ERBB4: variants seen among roughly 807,000 people sequenced by gnomAD.
The protein encoded by ERBB4 is erb-b2 receptor tyrosine kinase 4.
In ERBB4, 42 loss-of-function variants were observed where a neutral mutation model predicts 158.0. That is an observed-to-expected ratio of 0.27 (90% CI 0.21 to 0.34). The LOEUF is 0.34. ERBB4 is among the 10% of genes least tolerant of loss of function. ERBB4 has a pLI of 1.00. For synonymous variants in ERBB4, 583 were observed against 558.7 expected (o/e 1.04, Z -0.61); for missense variants, 1,333 against 1,624.1 (o/e 0.82, Z 3.08).
chr2:212,060,865 G>A (rs965271265), intron 2 of ERBB4, among the ~76,000 whole-genome samples: 1 of 150,316 alleles, frequency 6.7e-6, no homozygotes, highest in Non-Finnish European at 1.5e-5. Flanking sequence ...ATGTAAATGA[G>A]GAGTTAAAGA....
chr2:211,778,120 G>C (rs59804958), intron 4 of ERBB4, among the ~76,000 whole-genome samples: 20,093 of 152,128 alleles, frequency 0.13, 1,495 homozygotes, highest in South Asian at 0.3. Context: ...GAGAAGCCAC[G>C]GCAGGATTGA....
chr2:211,962,514 A>G (rs1345011937), intron 2 of ERBB4, among the ~76,000 whole-genome samples: 2 of 152,176 alleles, frequency 1.3e-5, no homozygotes, highest in African/African-American at 2.4e-5. Context: ...GTAGGAGTCT[A>G]TAATTTTACA....
chr2:211,669,255 A>AAAAAAC (rs953218454), intron 14 of ERBB4, among the ~76,000 whole-genome samples: 4 of 151,082 alleles, frequency 2.6e-5, no homozygotes, highest in Non-Finnish European at 5.9e-5. Flanking sequence ...AGAAAAAAGC[A>AAAAAAC]AAAAACAACT....
At chr2:211,763,809 C>A (rs1012912453) in intron 4 of ERBB4, among the ~76,000 whole-genome samples, 4 of 151,798 alleles carry the variant, frequency 2.6e-5, no homozygotes, top group Admixed American at 2.0e-4. Flanking sequence ...TGAGGTCTAA[C>A]AGCCCAAGAC....
At chr2:212,212,281 A>C (rs1456991633) in intron 1 of ERBB4, among the ~76,000 whole-genome samples, 6 of 152,032 alleles carry the variant, frequency 3.9e-5, no homozygotes, top group African/African-American at 7.2e-5. Flanking sequence ...AGACAAGCAA[A>C]GAGTCAAATC....
chr2:212,035,793 G>T (rs1394324563), intron 2 of ERBB4, among the ~76,000 whole-genome samples: 1 of 152,146 alleles, frequency 6.6e-6, no homozygotes, highest in African/African-American at 2.4e-5. Flanking sequence ...ATATTTCAAA[G>T]AATAAGTGAA....
intron 15 of ERBB4, among the ~76,000 whole-genome samples, chr2:211,658,806 G>C (rs1214448579): frequency 6.6e-6 from 1 of 152,064 alleles, no homozygotes. Flanking sequence ...AATTACATAA[G>C]TACACAGAAT....
chr2:212,296,933 T>G (rs1225513824), intron 1 of ERBB4, among the ~76,000 whole-genome samples: 1 of 151,980 alleles, frequency 6.6e-6, no homozygotes, highest in East Asian at 1.9e-4. Context: ...CTCCTTGGAC[T>G]GGTCAGCCTG....
chr2:211,977,531 T>TAAAAAAGAAAAAA (rs2081645289), intron 2 of ERBB4, among the ~76,000 whole-genome samples: 1 of 67,594 alleles, frequency 1.5e-5, no homozygotes, highest in East Asian at 5.6e-4. Context: ...ATATTGACTT[T>TAAAAAAGAAAAAA]AAAAAAAAAA....
chr2:211,663,433 G>T lies in ERBB4; in HGVS notation c.1871+1890C>A, dbSNP rs149128373. On this transcript the variant is annotated intron_variant, in intron 15 of 27. Transcript: ENST00000342788. ...AATTCTGCGGCTGCAAATTGCTAAA[G>T]GTGTCTTTTTTCTGTTCACTTGGAG... Among the ~76,000 whole-genome samples the T allele has an allele frequency of 2.5e-3, 373 of 152,162 alleles. 3 individuals carry two copies. The highest frequency in any genetic ancestry group is 8.3e-3 in the African/African-American group (346 of 41,524).
chr2:211,874,373 C>A (rs1575293440), intron 3 of ERBB4, among the ~76,000 whole-genome samples: 1 of 151,960 alleles, frequency 6.6e-6, no homozygotes, highest in African/African-American at 2.4e-5. Context: ...CTTGTCTTAC[C>A]CTATCTACTC....
At chr2:211,429,393 C>T (rs114864594) in intron 21 of ERBB4, among the ~76,000 whole-genome samples, 1,737 of 152,166 alleles carry the variant, frequency 0.011, 36 homozygotes, top group African/African-American at 0.039. Context: ...CCCCTCTCAT[C>T]TTGGTTAGCC....
At chr2:212,153,523 A>G (rs770166905) in intron 1 of ERBB4, among the ~76,000 whole-genome samples, 14 of 152,180 alleles carry the variant, frequency 9.2e-5, no homozygotes, top group Non-Finnish European at 1.9e-4. Flanking sequence ...TCTGAGACAG[A>G]GTACAATAAA....
intron 20 of ERBB4, among the ~76,000 whole-genome samples, chr2:211,524,877 A>G (rs923519448): frequency 1.3e-5 from 2 of 152,194 alleles, no homozygotes; most frequent in Non-Finnish European, 2.9e-5. Flanking sequence ...GTGGGAGCCC[A>G]GGCAGAGGAG....
chr2:212,118,719 T>A (rs559740246), intron 2 of ERBB4, among the ~76,000 whole-genome samples: 35 of 151,704 alleles, frequency 2.3e-4, no homozygotes, highest in South Asian at 1.0e-3. Flanking sequence ...CAAAGTTTTT[T>A]TAAAAAAAAA....
intron 1 of ERBB4, among the ~76,000 whole-genome samples, chr2:212,441,227 C>G (rs2092247483): frequency 6.6e-6 from 1 of 152,126 alleles, no homozygotes; most frequent in Admixed American, 6.6e-5. Context: ...CTTCCCCATC[C>G]CCAGTAGTGG....
intron 1 of ERBB4, among the ~76,000 whole-genome samples, chr2:212,289,535 G>A (rs2086127287): frequency 6.6e-6 from 1 of 152,102 alleles, no homozygotes; most frequent in Non-Finnish European, 1.5e-5. Context: ...TATTTACTGT[G>A]TTTCTTTGTG....
intron 19 of ERBB4, among the ~76,000 whole-genome samples, chr2:211,589,388 A>T (rs2068392394): frequency 6.6e-6 from 1 of 152,196 alleles, no homozygotes. Flanking sequence ...GAATGTCAGT[A>T]TGTCTAAAAG....
At chr2:211,886,291 T>C (rs983367843) in intron 3 of ERBB4, among the ~76,000 whole-genome samples, 8 of 152,232 alleles carry the variant, frequency 5.3e-5, no homozygotes, top group African/African-American at 1.7e-4. Flanking sequence ...TGTTGACATT[T>C]TTCATAGCTT....
Sources: gnomAD v4.1 joint callset for allele counts (sites outside exome capture counted in the v4.1 genomes callset) on GRCh38, gnomAD v4.1.1 for gene constraint, MANE v1.5 for transcripts, NCBI Gene and HGNC (gene_info 2026-07-23, HGNC 2026-07-21) for gene names.